SUMF1: variants seen among roughly 807,000 people sequenced by gnomAD.
The protein encoded by SUMF1 is sulfatase modifying factor 1, also known as formylglycine-generating enzyme.
Under a neutral mutation model 47.6 loss-of-function variants are expected in SUMF1, and 48 were observed. The ratio of observed to expected loss-of-function variants is 1.01; its 90% CI spans 0.80 to 1.28. The LOEUF is 1.28. Ranked by LOEUF, SUMF1 falls within the 50% of genes most tolerant of loss-of-function variation. The pLI is 0.00. For synonymous variants in SUMF1, 230 were observed against 192.1 expected (o/e 1.20, Z -1.63); for missense variants, 571 against 485.4 (o/e 1.18, Z -1.66).
chr3:4,064,114 C>G (rs1319918162), intron 9 of SUMF1, among the ~76,000 whole-genome samples: 1 of 152,042 alleles, frequency 6.6e-6, no homozygotes, highest in Non-Finnish European at 1.5e-5. Context: ...CTGAGACCTA[C>G]TGAGCCGCAT....
intron 8 of SUMF1, among the ~76,000 whole-genome samples, chr3:4,258,417 A>G (rs1376318182): frequency 7.1e-6 from 1 of 140,608 alleles, no homozygotes; most frequent in East Asian, 2.0e-4. Flanking sequence ...AATTTACAAG[A>G]AAAAAACAAA....
intron 8 of SUMF1, among the ~76,000 whole-genome samples, chr3:4,282,717 C>T (rs1438662959): frequency 2.6e-5 from 4 of 152,160 alleles, no homozygotes; most frequent in Non-Finnish European, 5.9e-5. Flanking sequence ...TATTTTGAAA[C>T]TTAAAAGTCA....
intron 8 of SUMF1, among the ~76,000 whole-genome samples, chr3:4,210,715 T>A (rs1695760831): frequency 2.0e-5 from 3 of 152,074 alleles, no homozygotes; most frequent in Non-Finnish European, 2.9e-5. Context: ...CATCACCCCA[T>A]GTGATGGTTA....
At chr3:4,133,512 A>G (rs927078187) in intron 8 of SUMF1, among the ~76,000 whole-genome samples, 1 of 152,104 alleles carries the variant, frequency 6.6e-6, no homozygotes, top group Non-Finnish European at 1.5e-5. Flanking sequence ...GGAGATTAAC[A>G]TTTGAGTCAG....
At chr3:4,425,188 C>G (rs1479825513) in intron 3 of SUMF1, among the ~76,000 whole-genome samples, 1 of 152,184 alleles carries the variant, frequency 6.6e-6, no homozygotes, top group African/African-American at 2.4e-5. Context: ...TGGAGTCAAG[C>G]TGCCTAAGCT....
chr3:4,441,314 TG>T (rs1435338598), intron 3 of SUMF1, among the ~76,000 whole-genome samples: 1 of 152,200 alleles, frequency 6.6e-6, no homozygotes, highest in African/African-American at 2.4e-5. Context: ...CACCCCCAGA[TG>T]GGACTGCATA....
chr3:4,133,551 A>G (rs1693843524), intron 8 of SUMF1, among the ~76,000 whole-genome samples: 1 of 152,114 alleles, frequency 6.6e-6, no homozygotes, highest in African/African-American at 2.4e-5. Context: ...CCCACCCTTA[A>G]TCTGGGTGGG....
intron 8 of SUMF1, among the ~76,000 whole-genome samples, chr3:4,194,429 G>A (rs1031134712): frequency 6.6e-6 from 1 of 152,156 alleles, no homozygotes; most frequent in African/African-American, 2.4e-5. Context: ...TAGAGAGTAG[G>A]ATTAACATTT....
chr3:4,389,202 A>G lies in SUMF1; in HGVS notation c.955-12813T>C, dbSNP rs76621410. Among the ~76,000 whole-genome samples the G allele has an allele frequency of 6.9e-3, 1,057 of 152,258 alleles. 14 individuals are homozygous for G. The highest frequency in any genetic ancestry group is 0.025 in the African/African-American group (1,029 of 41,564). ...TCTGAGAATATCTTGATTTCTCCTTATTCCAAAAAGATACTTCACTGGATA... is the reference window on the plus strand; with the variant it reads ...TCTGAGAATATCTTGATTTCTCCTTGTTCCAAAAAGATACTTCACTGGATA... On this transcript the variant is annotated intron_variant, in intron 7 of 8. Transcript: ENST00000272902.
intron 7 of SUMF1, among the ~76,000 whole-genome samples, chr3:4,397,166 G>C (rs984072979): frequency 9.2e-5 from 14 of 152,198 alleles, no homozygotes; most frequent in African/African-American, 3.1e-4. Context: ...TCCAATTTCA[G>C]ATGGATTAGA....
Position 4,191,523 on chromosome 3 carries a change from A to G in SUMF1, c.1015-122778T>C, listed in dbSNP as rs111925344. Among the ~76,000 whole-genome samples, 64 of 152,254 alleles carry G rather than the reference A, an allele frequency of 4.2e-4. 3 individuals carry two copies. Among genetic ancestry groups the G allele is most frequent in the African/African-American group, 1.4e-3 (60 of 41,570 alleles). ...CTAGAAGTGACATAATCTGTTTTAT[A>G]TATTGAAAGGATAATTCAGGCTATG... is the stretch of plus-strand genomic sequence containing the variant. On this transcript the variant is annotated intron_variant and NMD_transcript_variant, in intron 8 of 12. Transcript: ENST00000448413.
chr3:4,103,583 T>C (rs1440876006), intron 8 of SUMF1, among the ~76,000 whole-genome samples: 1 of 152,130 alleles, frequency 6.6e-6, no homozygotes, highest in Non-Finnish European at 1.5e-5. Flanking sequence ...TGATTAGTGG[T>C]TTCTGCTTTG....
intron 8 of SUMF1, chr3:4,303,501 C>T (rs1236145530): frequency 1.4e-6 from 2 of 1,452,586 alleles, no homozygotes; most frequent in East Asian, 6.0e-5. Context: ...GCGTGGCCCC[C>T]GGGGGCCGCG....
intron 8 of SUMF1, among the ~76,000 whole-genome samples, chr3:4,260,232 T>C (rs561299365): frequency 1.2e-4 from 18 of 152,204 alleles, no homozygotes; most frequent in South Asian, 4.1e-4. Flanking sequence ...ATAAAATATA[T>C]TGGCAATATT....
chr3:4,069,979 T>C (rs1695480440), intron 8 of SUMF1, among the ~76,000 whole-genome samples: 1 of 152,118 alleles, frequency 6.6e-6, no homozygotes. Context: ...ATAAGAAACA[T>C]ACAACCTGCT....
chr3:4,134,764 T>C (rs1693882533), intron 8 of SUMF1, among the ~76,000 whole-genome samples: 1 of 151,878 alleles, frequency 6.6e-6, no homozygotes, highest in African/African-American at 2.4e-5. Flanking sequence ...AATCAAATAG[T>C]GGCAATAAAA....
intron 8 of SUMF1, among the ~76,000 whole-genome samples, chr3:4,104,196 A>C (rs1693102993): frequency 6.6e-6 from 1 of 152,016 alleles, no homozygotes; most frequent in Non-Finnish European, 1.5e-5. Context: ...CCTGGAGGTA[A>C]ATAAGTCTTA....
At chr3:4,343,916 G>C (rs1368786292) in intron 8 of SUMF1, among the ~76,000 whole-genome samples, 1 of 152,200 alleles carries the variant, frequency 6.6e-6, no homozygotes, top group Non-Finnish European at 1.5e-5. Flanking sequence ...ATATTCATCA[G>C]TAGGGAAATG....
chr3:4,172,303 T>C (rs1694848735), intron 8 of SUMF1, among the ~76,000 whole-genome samples: 1 of 152,090 alleles, frequency 6.6e-6, no homozygotes, highest in Admixed American at 6.6e-5. Flanking sequence ...CAATTAAAAA[T>C]ACAAGGAGAG....
Sources: gnomAD v4.1 joint callset for allele counts (sites outside exome capture counted in the v4.1 genomes callset) on GRCh38, gnomAD v4.1.1 for gene constraint, MANE v1.5 for transcripts, NCBI Gene and HGNC (gene_info 2026-07-23, HGNC 2026-07-21) for gene names.